Variants in SH2D3A observed in about 807,000 individuals in gnomAD.
SH2D3A encodes the protein SH2 domain containing 3A.
In SH2D3A, 46 loss-of-function variants were observed where a neutral mutation model predicts 50.6. The observed-to-expected ratio is 0.91, with a 90% confidence interval of 0.72 to 1.16. The LOEUF (loss-of-function observed/expected upper bound fraction) is 1.16, where lower values mean the gene tolerates loss of function less well. SH2D3A is among the 50% of genes most tolerant of loss of function. SH2D3A has a pLI of 0.00. For synonymous variants in SH2D3A, 377 were observed against 348.4 expected (o/e 1.08, Z -0.91); for missense variants, 783 against 786.2 (o/e 1.00, Z 0.05).
chr19:6,756,477 G>A (rs1456148627), intron 4 of SH2D3A, among the ~76,000 whole-genome samples: 1 of 151,076 alleles, frequency 6.6e-6, no homozygotes, highest in African/African-American at 2.4e-5. Flanking sequence ...AAAGATACAT[G>A]TGCAGAATGT....
chr19:6,764,872 A>ATT (rs55670461), intron 1 of SH2D3A, among the ~76,000 whole-genome samples: 1,397 of 102,962 alleles, frequency 0.014, 65 homozygotes, highest in African/African-American at 0.047. Context: ...TACCTGGCTA[A>ATT]TTTTTTTTTT....
In SH2D3A at chr19:6,752,631, G is replaced by A. The variant is rs1479587297; in HGVS notation, c.1693C>T (p.Leu565Phe). ...AERFEKFQRV[L>F]GVLSQRLEPD... ...TCCAGGCGCTGCGACAGGACGCCGAGGACGCGCTGGAACTTCTCAAAGCGT... is the reference window on the plus strand; with the variant it reads ...TCCAGGCGCTGCGACAGGACGCCGAAGACGCGCTGGAACTTCTCAAAGCGT... Residue 565 changes from leucine (L) to phenylalanine (F), a missense_variant, in exon 10 of 10, where the codon CTC (leucine) becomes TTC (phenylalanine). Coordinates refer to ENST00000245908, the MANE Select transcript of SH2D3A (RefSeq NM_005490.3). 1.3e-6 allele frequency: 2 copies of A among 1,557,580 alleles called. No homozygotes were observed. Among genetic ancestry groups the A allele is most frequent in the Middle Eastern group, 1.7e-4 (1 of 5,978 alleles).
intron 1 of SH2D3A, among the ~76,000 whole-genome samples, chr19:6,765,746 T>TAAAAA (rs1251004918): frequency 1.2e-5 from 1 of 81,214 alleles, no homozygotes; most frequent in African/African-American, 7.0e-5. Context: ...AGACTCCGTC[T>TAAAAA]CAAAAAAAAA....
intron 4 of SH2D3A, chr19:6,758,368 A>C (rs1969815880): frequency 1.3e-5 from 2 of 152,468 alleles, no homozygotes; most frequent in African/African-American, 4.8e-5. Context: ...ATCTTGGCTC[A>C]CGGCAACCTC....
chr19:6,757,990 C>CAAAA, intron 4 of SH2D3A: 2 of 152,094 alleles, frequency 1.3e-5, no homozygotes, highest in African/African-American at 4.8e-5. Context: ...CAATATACAT[C>CAAAA]TCCATCTTTA....
intron 1 of SH2D3A, among the ~76,000 whole-genome samples, chr19:6,765,920 T>C (rs1214419185): frequency 6.6e-6 from 1 of 152,162 alleles, no homozygotes; most frequent in East Asian, 1.9e-4. Context: ...TTTGGTAGTT[T>C]CCCGATAATC....
At position 6,754,093 on chromosome 19, in the gene SH2D3A, T is replaced by C. The variant is rs780337418; in HGVS notation, c.1343A>G (p.Gln448Arg). 3 of 1,612,746 alleles carry C rather than the reference T, an allele frequency of 1.9e-6. No homozygotes were observed. The highest frequency in any genetic ancestry group is 2.5e-6 in the Non-Finnish European group (3 of 1,179,324). Reference protein sequence around the residue: ...SHTEAALAFEQELKPLMRALD... With the variant: ...SHTEAALAFERELKPLMRALD... ...AGCCCGCATCAGCGGCTTCAGCTCCTGCTCAAAGGCCAGCGCAGCCTCCGT... is the reference window on the plus strand; with the variant it reads ...AGCCCGCATCAGCGGCTTCAGCTCCCGCTCAAAGGCCAGCGCAGCCTCCGT... Residue 448 changes from glutamine to arginine, a missense_variant, in exon 8 of 10, where the codon CAG becomes CGG. Transcript: ENST00000245908.
Position 6,752,534 on chromosome 19 carries a change from C to T in SH2D3A, c.*59G>A, listed in dbSNP as rs1191357788. 7 of 1,408,980 alleles carry T rather than the reference C, an allele frequency of 5.0e-6. No homozygotes were observed. In the African/African-American group the frequency reaches 5.8e-5, roughly 12 times the overall value. The allele number at this position is 1,408,980 out of a possible 1,614,324, so 87.3% of individuals were successfully genotyped here. ...AGGAGCCTGGGACGACTCCTTTGGTCTCTTCTGGGGTTCGCAAAAACCTGG... is the reference window on the plus strand; with the variant it reads ...AGGAGCCTGGGACGACTCCTTTGGTTTCTTCTGGGGTTCGCAAAAACCTGG... On this transcript the variant is annotated 3_prime_UTR_variant, in exon 10 of 10. Coordinates refer to ENST00000245908, the MANE Select transcript of SH2D3A (RefSeq NM_005490.3).
intron 2 of SH2D3A, among the ~76,000 whole-genome samples, chr19:6,761,811 TGGTGGTGTG>T (rs1970032228): frequency 6.6e-6 from 1 of 151,312 alleles, no homozygotes; most frequent in Non-Finnish European, 1.5e-5. Flanking sequence ...TAGCTGAGCG[TGGTGGTGTG>T]CACCTGTCAT....
chr19:6,755,362 G>T, intron 4 of SH2D3A, 47 bp from the exon 5 acceptor site: 1 of 1,343,266 alleles, frequency 7.4e-7, no homozygotes, highest in Non-Finnish European at 9.9e-7. Context: ...AGGGAAGATT[G>T]CTGAATGGGC....
rs763833729 is a variant in SH2D3A at position 6,754,792 on chromosome 19, C to T, written c.981+39G>A. The T allele has an allele frequency of 6.2e-6, 10 of 1,612,880 alleles. No homozygotes were observed. The South Asian group carries it at 1.1e-4, about 18-fold the overall frequency. On this transcript the variant is annotated intron_variant, in intron 5 of 9. Transcript: ENST00000245908. ...ATTATGTAGGCATGGTTGGGTCTTG[C>T]CCTGGGCCTGGGGAGGAGCATCCCA... is the stretch of plus-strand genomic sequence containing the variant.
chr19:6,760,691 G>C lies in SH2D3A; in HGVS notation c.366C>G (p.Arg122=), dbSNP rs925089461. 3 of 1,612,206 alleles carry C rather than the reference G, an allele frequency of 1.9e-6. No individual in the cohort carries two copies. In the Admixed American group the frequency reaches 5.0e-5, roughly 27 times the overall value. The change falls in exon 3 of 10, where the codon CGC becomes CGG. Residue 122 remains arginine (R), a synonymous_variant. Transcript: ENST00000245908. ...RPVTWQGPLR[R]SFSEDTLMDG... The stretch of plus-strand genomic sequence containing the variant: ...CCATCAGGGTGTCCTCGCTAAAGCT[G>C]CGTCGCAGAGGCCCCTGCCAAGTCA...
chr19:6,756,365 T>A (rs1969677848), intron 4 of SH2D3A, among the ~76,000 whole-genome samples: 1 of 151,508 alleles, frequency 6.6e-6, no homozygotes, highest in African/African-American at 2.4e-5. Flanking sequence ...GTATAAAAAA[T>A]TCACAAAGCT....
At position 6,752,676 on chromosome 19, in the gene SH2D3A, C is replaced by G. The variant is rs1440561489; in HGVS notation, c.1648G>C (p.Ala550Pro). ...VRRLLWGSRG[A>P]GAPRAERFEK... Reference sequence around the variant, plus strand: ...AAGCGTTCAGCGCGCGGAGCTCCCGCGCCCCGGCTACCCCAGAGCAGCCTC... The same window carrying G: ...AAGCGTTCAGCGCGCGGAGCTCCCGGGCCCCGGCTACCCCAGAGCAGCCTC... The change falls in exon 10 of 10, where the codon GCG (alanine) becomes CCG (proline). Residue 550 changes from alanine (A) to proline (P), a missense_variant. Physicochemically the swap from Ala to Pro is conservative, Grantham distance 27 (BLOSUM62 -1). Transcript: ENST00000245908. The G allele has an allele frequency of 6.4e-7, 1 of 1,553,106 alleles. No individual in the cohort carries two copies. Among genetic ancestry groups the G allele is most frequent in the Admixed American group, 2.0e-5 (1 of 51,222 alleles).
chr19:6,756,996 G>A (rs1308287178), intron 4 of SH2D3A, among the ~76,000 whole-genome samples: 1 of 151,920 alleles, frequency 6.6e-6, no homozygotes, highest in African/African-American at 2.4e-5. Context: ...TCAGCCTCCC[G>A]AGTAGCTGGG....
Position 6,752,451 on chromosome 19 carries a change from C to A in SH2D3A, c.*142G>T. On this transcript the variant is annotated 3_prime_UTR_variant, in exon 10 of 10. Coordinates refer to ENST00000245908, the MANE Select transcript of SH2D3A (RefSeq NM_005490.3). ...CATGTTCACCATGGTCCAGGTGACC[C>A]TGACTGCGGTCCCCACCTCTTCTGT... is the stretch of plus-strand genomic sequence containing the variant. The A allele has an allele frequency of 1.4e-6, 1 of 706,036 alleles. No individual in the cohort carries two copies. The highest frequency in any genetic ancestry group is 4.2e-5 in the South Asian group (1 of 23,944). The allele number at this position is 706,036 out of a possible 1,614,324, so 43.7% of individuals were successfully genotyped here. A position where few individuals can be genotyped will look rare whatever the true frequency, so the allele number is the denominator to read the frequency against.
intron 4 of SH2D3A, 67 bp from the exon 5 acceptor site, chr19:6,755,382 A>G: frequency 8.6e-7 from 1 of 1,162,094 alleles, no homozygotes; most frequent in East Asian, 2.5e-5. Context: ...CGGGGGTGAG[A>G]GCTTCATCGG....
intron 2 of SH2D3A, 63 bp from the exon 3 acceptor site, chr19:6,761,050 G>T (rs1443263564): frequency 2.3e-6 from 3 of 1,315,678 alleles, no homozygotes; most frequent in African/African-American, 3.0e-5. Context: ...GTTAATGGTA[G>T]CTCCCCCCAC....
intron 4 of SH2D3A, among the ~76,000 whole-genome samples, chr19:6,756,536 C>A (rs1249863751): frequency 2.0e-5 from 3 of 152,008 alleles, no homozygotes; most frequent in Non-Finnish European, 2.9e-5. Context: ...CCTACTGACC[C>A]CTCCTCTAAG....
Sources: gnomAD v4.1 joint callset for allele counts (sites outside exome capture counted in the v4.1 genomes callset) on GRCh38, gnomAD v4.1.1 for gene constraint, MANE v1.5 for transcripts, NCBI Gene and HGNC (gene_info 2026-07-23, HGNC 2026-07-21) for gene names.